CDCP1: variants seen among roughly 807,000 people sequenced by gnomAD.
CDCP1 encodes the protein CUB domain-containing protein 1.
In CDCP1, 29 loss-of-function variants were observed where a neutral mutation model predicts 60.2. The ratio of observed to expected loss-of-function variants is 0.48; its 90% CI spans 0.36 to 0.66. CDCP1 has a LOEUF of 0.66. CDCP1 is among the 30% of genes least tolerant of loss of function. CDCP1 has a pLI of 0.00. For synonymous variants in CDCP1, 387 were observed against 431.1 expected (o/e 0.90, Z 1.27); for missense variants, 876 against 1,074.3 (o/e 0.82, Z 2.58).
chr3:45,126,116 T>TTCCTTCTTTCTTTCTTTC (rs760552870), intron 1 of CDCP1, among the ~76,000 whole-genome samples: 1 of 95,468 alleles, frequency 1.0e-5, no homozygotes, highest in African/African-American at 5.6e-5. Context: ...CTCTCTTTCT[T>TTCCTTCTTTCTTTCTTTC]TCTTTCTTTC....
At chr3:45,118,289 TAG>T in intron 2 of CDCP1, 121 bp downstream of exon 2, 1 of 734,710 alleles carries the variant, frequency 1.4e-6, no homozygotes, top group Non-Finnish European at 2.3e-6. Context: ...TAAAAAACTG[TAG>T]AGTTTCAGAA....
intron 1 of CDCP1, among the ~76,000 whole-genome samples, chr3:45,137,136 A>G (rs1057010481): frequency 1.3e-5 from 2 of 152,222 alleles, no homozygotes; most frequent in Non-Finnish European, 2.9e-5. Context: ...GGCAACCACT[A>G]TTACCAGTAT....
chr3:45,123,516 GC>G (rs1186321508), intron 1 of CDCP1, among the ~76,000 whole-genome samples: 2 of 152,148 alleles, frequency 1.3e-5, no homozygotes, highest in Non-Finnish European at 2.9e-5. Flanking sequence ...CACTCACATG[GC>G]TGTCATTTTT....
Position 45,110,999 on chromosome 3 carries a change from T to C in CDCP1, c.656-158A>G, listed in dbSNP as rs139777551. On this transcript the variant is annotated intron_variant, in intron 3 of 8. Transcript: ENST00000296129. ...TGTATATTTGGACTCAAGGCAGAGA[T>C]TGGGAATGCAGACACATCAGTGGTG... Among the ~76,000 whole-genome samples, 121 of 152,266 alleles carry C rather than the reference T, an allele frequency of 7.9e-4. 2 individuals are homozygous for C. In the East Asian group the frequency reaches 0.016, roughly 20 times the overall value.
rs184459261 is a variant in CDCP1, at chr3:45,096,817, T to C, written c.1025-1249A>G. 3.9e-3 allele frequency among the ~76,000 whole-genome samples: 590 copies of C among 151,858 alleles called. 6 individuals are homozygous for C. The highest frequency in any genetic ancestry group is 0.014 in the African/African-American group (569 of 41,388). Reference sequence around the variant, plus strand: ...AAGAGAAAAAAGATCTGGAGAGAAATATGACAAATCCGTGACTGTGGTTAC... The same window carrying C: ...AAGAGAAAAAAGATCTGGAGAGAAACATGACAAATCCGTGACTGTGGTTAC... On this transcript the variant is annotated intron_variant, in intron 4 of 8. Transcript: ENST00000296129.
At chr3:45,126,104 C>CTTTCTT (rs1553610956) in intron 1 of CDCP1, among the ~76,000 whole-genome samples, 2 of 99,156 alleles carry the variant, frequency 2.0e-5, no homozygotes, top group South Asian at 3.5e-4. Flanking sequence ...TTCTTTGTCT[C>CTTTCTT]TCTCTCTTTC....
intron 2 of CDCP1, among the ~76,000 whole-genome samples, chr3:45,118,051 C>T (rs1300982459): frequency 6.6e-6 from 1 of 152,174 alleles, no homozygotes; most frequent in Non-Finnish European, 1.5e-5. Context: ...AGATCTGTAG[C>T]TTGTGGGCTT....
chr3:45,095,352 G>GT lies in CDCP1; in HGVS notation c.1240dup (p.Thr414AsnfsTer22), dbSNP rs763692088. On this transcript the variant is annotated frameshift_variant, in exon 5 of 9. Coordinates refer to ENST00000296129, the MANE Select transcript of CDCP1 (RefSeq NM_022842.5). LOFTEE classifies it high-confidence loss of function. ...GCACTGATTCAGGGGCGTACTTATG[G>GT]TTTTTTCCACATTCATCCACAGACG... 6.2e-7 allele frequency: 1 copy of GT among 1,613,816 alleles called. No individual in the cohort carries two copies. The highest frequency in any genetic ancestry group is 1.3e-5 in the African/African-American group (1 of 74,900).
At chr3:45,122,819 A>C (rs969955481) in intron 1 of CDCP1, among the ~76,000 whole-genome samples, 3 of 152,206 alleles carry the variant, frequency 2.0e-5, no homozygotes, top group Middle Eastern at 3.2e-3. Context: ...TTCTGGGTTC[A>C]TAATCTATTC....
intron 1 of CDCP1, among the ~76,000 whole-genome samples, chr3:45,145,741 G>C (rs1699371797): frequency 6.6e-6 from 1 of 152,142 alleles, no homozygotes; most frequent in Non-Finnish European, 1.5e-5. Context: ...CTTCTCTCTG[G>C]ACCAGGCGAG....
chr3:45,124,912 G>A (rs1698951336), intron 1 of CDCP1, among the ~76,000 whole-genome samples: 1 of 152,160 alleles, frequency 6.6e-6, no homozygotes, highest in African/African-American at 2.4e-5. Flanking sequence ...GGGAGCGAGT[G>A]TTGAATTCAC....
At chr3:45,122,522 C>T (rs527499314) in intron 1 of CDCP1, among the ~76,000 whole-genome samples, 2 of 151,846 alleles carry the variant, frequency 1.3e-5, no homozygotes, top group Admixed American at 6.6e-5. Flanking sequence ...AGTGCAATGG[C>T]GTGATCTTGG....
At chr3:45,130,885 G>T (rs765245588) in intron 1 of CDCP1, among the ~76,000 whole-genome samples, 12 of 151,600 alleles carry the variant, frequency 7.9e-5, no homozygotes, top group Admixed American at 1.3e-4. Flanking sequence ...TTTTCTTTCA[G>T]TGACAGGGTC....
At chr3:45,120,348 C>T (rs944133295) in intron 1 of CDCP1, among the ~76,000 whole-genome samples, 2 of 152,214 alleles carry the variant, frequency 1.3e-5, no homozygotes, top group Non-Finnish European at 2.9e-5. Flanking sequence ...ATCTCCCAAC[C>T]TTATATGAAC....
rs763237363 is a variant in CDCP1, at chr3:45,085,707, C to T, written c.2442G>A (p.Gly814=). 1 of 1,614,162 alleles carries T rather than the reference C, an allele frequency of 6.2e-7. No individual in the cohort carries two copies. The highest frequency in any genetic ancestry group is 8.5e-7 in the Non-Finnish European group (1 of 1,180,024). Reference sequence around the variant, plus strand: ...TGTCTGTGTCCTTGCTGCTTACATCCCCATTGTTGGGATGGGAGAAGGTGT... The same window carrying T: ...TGTCTGTGTCCTTGCTGCTTACATCTCCATTGTTGGGATGGGAGAAGGTGT... ...EPYTFSHPNN[G]DVSSKDTDIP... Residue 814 remains glycine, a synonymous_variant, in exon 9 of 9, where the codon GGG becomes GGA. Coordinates refer to ENST00000296129, the MANE Select transcript of CDCP1 (RefSeq NM_022842.5). This position sits in a 1 kb window ranked among gnomAD's most constrained non-coding sequence, Gnocchi z 4.2.
At chr3:45,114,118 G>C (rs1327070509) in intron 2 of CDCP1, among the ~76,000 whole-genome samples, 1 of 152,160 alleles carries the variant, frequency 6.6e-6, no homozygotes, top group Admixed American at 6.5e-5. Flanking sequence ...GTAAAATCTG[G>C]AGTCAAAAAG....
intron 3 of CDCP1, 108 bp from the exon 4 acceptor site, chr3:45,110,949 G>A: frequency 7.9e-7 from 1 of 1,266,292 alleles, no homozygotes. Flanking sequence ...GCAGTTCTCA[G>A]ATCCTGAGCA....
rs572692560 is a variant in CDCP1 at position 45,145,557 on chromosome 3, T to A, written c.82+649A>T. Among the ~76,000 whole-genome samples, 365 of 152,220 alleles carry A rather than the reference T, an allele frequency of 2.4e-3. 3 individuals carry two copies. Among genetic ancestry groups the A allele is most frequent in the Middle Eastern group, 0.017 (5 of 294 alleles). On this transcript the variant is annotated intron_variant, in intron 1 of 8. Transcript: ENST00000296129. ...GTGCGAGGGGCGCGGGAATGTCCAG[T>A]CTCTGCGGTGGCGCAGATGCCTGGC...
chr3:45,146,152 C>T, intron 1 of CDCP1, 54 bp downstream of exon 1: 2 of 1,496,608 alleles, frequency 1.3e-6, no homozygotes, highest in Non-Finnish European at 1.8e-6. Context: ...CGGGCGTCCG[C>T]TGGCTGGCTA....
Sources: gnomAD v4.1 joint callset for allele counts (sites outside exome capture counted in the v4.1 genomes callset) on GRCh38, gnomAD v4.1.1 for gene constraint, Gnocchi (gnomAD v3.1) non-coding constraint, MANE v1.5 for transcripts, NCBI Gene and HGNC (gene_info 2026-07-23, HGNC 2026-07-21) for gene names.